PARN: variants seen among roughly 807,000 people sequenced by gnomAD.
PARN encodes the protein poly(A)-specific ribonuclease PARN.
A neutral mutation model predicts 102.8 loss-of-function variants in PARN; 71 were observed. That is an observed-to-expected ratio of 0.69 (90% confidence interval 0.57 to 0.84). PARN has a LOEUF of 0.84. Ranked by LOEUF, PARN falls within the 40% of genes least tolerant of loss-of-function variation. The pLI is 0.00. For missense variants in PARN, 782 were observed against 760.9 expected (o/e 1.03, Z -0.33); for synonymous variants, 261 against 252.9 (o/e 1.03, Z -0.30).
chr16:14,572,940 G>A (rs1437436264), intron 18 of PARN, among the ~76,000 whole-genome samples: 1 of 151,152 alleles, frequency 6.6e-6, no homozygotes, highest in Middle Eastern at 3.4e-3. Flanking sequence ...CAAAGCTGGA[G>A]TGCAGTGCTG....
rs568125875 is a variant in PARN at position 14,446,139 on chromosome 16, T to TG, written c.1864+748dup. Among the ~76,000 whole-genome samples, 51 of 152,358 alleles carry TG rather than the reference T, an allele frequency of 3.3e-4. No homozygotes were observed. In the Middle Eastern group the frequency reaches 0.024, roughly 71 times the overall value. On this transcript the variant is annotated intron_variant, in intron 23 of 23. Coordinates refer to ENST00000437198, the MANE Select transcript of PARN (RefSeq NM_002582.4). ...CTTTTCCATGTGCTGACTGACAAGA[T>TG]GCCCTTCTGGCCTCTTGCTGTGGCC...
chr16:14,610,056 AT>A (rs1971432546), intron 7 of PARN, among the ~76,000 whole-genome samples: 1 of 151,222 alleles, frequency 6.6e-6, no homozygotes, highest in East Asian at 1.9e-4. Context: ...ATTAAAAAAA[AT>A]AAAATAAAAT....
At chr16:14,617,939 T>G (rs565613833) in intron 5 of PARN, among the ~76,000 whole-genome samples, 2 of 152,184 alleles carry the variant, frequency 1.3e-5, no homozygotes, top group African/African-American at 4.8e-5. Flanking sequence ...ACTTCCGGAC[T>G]CAAGCAATCC....
At chr16:14,444,657 G>A (rs568622809) in intron 23 of PARN, among the ~76,000 whole-genome samples, 2 of 152,308 alleles carry the variant, frequency 1.3e-5, no homozygotes, top group Admixed American at 1.3e-4. Flanking sequence ...TACAAGTGGG[G>A]AAACCCCCCT....
intron 13 of PARN, among the ~76,000 whole-genome samples, chr16:14,588,476 C>T (rs971247572): frequency 1.3e-5 from 2 of 152,172 alleles, no homozygotes; most frequent in African/African-American, 4.8e-5. Flanking sequence ...TTTGTTAAAT[C>T]GATATTTAAT....
intron 21 of PARN, among the ~76,000 whole-genome samples, chr16:14,529,717 G>A (rs553142153): frequency 1.3e-5 from 2 of 152,242 alleles, no homozygotes; most frequent in African/African-American, 4.8e-5. Context: ...TGGCAGGTAG[G>A]GAGTATCGTC....
chr16:14,446,204 T>A (rs1961191032), intron 23 of PARN, among the ~76,000 whole-genome samples: 1 of 152,170 alleles, frequency 6.6e-6, no homozygotes, highest in African/African-American at 2.4e-5. Flanking sequence ...GTGAGGCACA[T>A]CTGCGGGGTG....
intron 23 of PARN, among the ~76,000 whole-genome samples, chr16:14,439,659 A>T (rs1960863484): frequency 1.3e-5 from 2 of 152,236 alleles, no homozygotes; most frequent in Admixed American, 1.3e-4. Context: ...CCAAGGGGAA[A>T]AATCTGATAA....
chr16:14,459,119 T>G (rs1961833033), intron 22 of PARN, among the ~76,000 whole-genome samples: 1 of 152,330 alleles, frequency 6.6e-6, no homozygotes, highest in East Asian at 1.9e-4. Context: ...AAGATAAAGA[T>G]GTCAGCTCTC....
In PARN at chr16:14,604,136, GC is replaced by G. The variant is rs748300974; in HGVS notation, c.783+9del. 1.5e-5 allele frequency: 23 copies of G among 1,553,600 alleles called. 1 individual carries two copies. In the South Asian group the frequency reaches 2.3e-4, roughly 15 times the overall value. ...TTCTCACCCCCCAAGAATTAACATA[GC>G]CCAATTACCTGTTCTTTGGCATGTT... On this transcript the variant is annotated intron_variant, in intron 11 of 23. Transcript: ENST00000437198.
chr16:14,439,443 G>C (rs1398192605), intron 23 of PARN, among the ~76,000 whole-genome samples: 1 of 150,938 alleles, frequency 6.6e-6, no homozygotes, highest in Non-Finnish European at 1.5e-5. Flanking sequence ...AGGGAGGAAG[G>C]GAGGGAGGGA....
At chr16:14,540,660 G>C (rs982344484) in intron 21 of PARN, among the ~76,000 whole-genome samples, 1 of 152,206 alleles carries the variant, frequency 6.6e-6, no homozygotes, top group Non-Finnish European at 1.5e-5. Flanking sequence ...AGGCACGGTG[G>C]CTCACAGCTG....
chr16:14,603,884 A>G (rs532341101), intron 11 of PARN, among the ~76,000 whole-genome samples: 7 of 152,310 alleles, frequency 4.6e-5, no homozygotes, highest in African/African-American at 1.4e-4. Flanking sequence ...CACAAGCTAA[A>G]TGAGAATCAA....
intron 23 of PARN, among the ~76,000 whole-genome samples, chr16:14,440,759 C>T (rs1960907390): frequency 6.6e-6 from 1 of 152,284 alleles, no homozygotes; most frequent in Non-Finnish European, 1.5e-5. Context: ...GCTCAAAAGG[C>T]TAACTATCGC....
At chr16:14,543,093 T>C (rs1300253422) in intron 21 of PARN, among the ~76,000 whole-genome samples, 1 of 152,050 alleles carries the variant, frequency 6.6e-6, no homozygotes, top group Non-Finnish European at 1.5e-5. Flanking sequence ...AATTAACACA[T>C]TATATACAGG....
intron 6 of PARN, among the ~76,000 whole-genome samples, chr16:14,613,224 G>A (rs535873862): frequency 6.0e-5 from 9 of 149,582 alleles, no homozygotes; most frequent in Non-Finnish European, 1.0e-4. Flanking sequence ...CAGGAGAATC[G>A]CTTGAACCTG....
Position 14,516,376 on chromosome 16 carries a change from T to A in PARN, c.1481-33549A>T, listed in dbSNP as rs1250467536. ...TAACCAAAAAAGGCTCAATATTGCA[T>A]GCTGAAAGGCTATACCGCATACATC... On this transcript the variant is annotated intron_variant, in intron 21 of 23. Coordinates refer to ENST00000437198, the MANE Select transcript of PARN (RefSeq NM_002582.4). Among the ~76,000 whole-genome samples the A allele has an allele frequency of 3.3e-5, 5 of 152,100 alleles. No individual in the cohort carries two copies. In the East Asian group the frequency reaches 9.6e-4, roughly 29 times the overall value.
At chr16:14,584,495 C>T in intron 15 of PARN, 73 bp from the exon 16 acceptor site, 1 of 1,213,538 alleles carries the variant, frequency 8.2e-7, no homozygotes, top group Non-Finnish European at 1.2e-6. Flanking sequence ...TTCACTGACC[C>T]CCCCAAAAAA....
At chr16:14,472,190 G>A (rs1319442061) in intron 22 of PARN, among the ~76,000 whole-genome samples, 3 of 152,188 alleles carry the variant, frequency 2.0e-5, no homozygotes, top group East Asian at 3.8e-4. Context: ...CAAGTTTTAT[G>A]TCTTTGTGTA....
Sources: gnomAD v4.1 joint callset for allele counts (sites outside exome capture counted in the v4.1 genomes callset) on GRCh38, gnomAD v4.1.1 for gene constraint, MANE v1.5 for transcripts, NCBI Gene and HGNC (gene_info 2026-07-23, HGNC 2026-07-21) for gene names.